UBE2Z: variants seen among roughly 807,000 people sequenced by gnomAD.
UBE2Z encodes the protein ubiquitin-conjugating enzyme E2 Z.
A neutral mutation model predicts 32.6 loss-of-function variants in UBE2Z; 10 were observed. That is an observed-to-expected ratio of 0.31 (90% CI 0.19 to 0.52). UBE2Z has a LOEUF of 0.52. Ranked by LOEUF, UBE2Z falls within the 20% of genes least tolerant of loss-of-function variation. The pLI, the probability that UBE2Z is intolerant of heterozygous loss-of-function variation, is 0.97. For synonymous variants in UBE2Z, 183 were observed against 190.8 expected, an observed-to-expected ratio of 0.96 and a Z score of 0.34; for missense variants, 343 against 480.9, an observed-to-expected ratio of 0.71 and a Z score of 2.68.
chr17:48,925,446 G>GT (rs1401209214), intron 6 of UBE2Z, among the ~76,000 whole-genome samples: 1 of 152,156 alleles, frequency 6.6e-6, no homozygotes, highest in Non-Finnish European at 1.5e-5. Flanking sequence ...ATAAATGGTA[G>GT]TTTTCCCTTC....
intron 2 of UBE2Z, chr17:48,912,526 A>G (rs1281081550): frequency 1.6e-5 from 5 of 310,112 alleles, no homozygotes; most frequent in Non-Finnish European, 1.8e-5. Context: ...AAAAAAAAAA[A>G]TGCTTTAAGA....
At chr17:48,912,379 CAT>C (rs966360329) in intron 2 of UBE2Z, 2 of 157,712 alleles carry the variant, frequency 1.3e-5, no homozygotes, top group African/African-American at 4.8e-5. Flanking sequence ...CAAATCCAAA[CAT>C]ATATTCAGTC....
chr17:48,922,808 C>T (rs2040769745), intron 5 of UBE2Z, 39 bp from the exon 6 acceptor site: 12 of 1,566,354 alleles, frequency 7.7e-6, no homozygotes, highest in Non-Finnish European at 9.6e-6. Flanking sequence ...GACCTGTACC[C>T]CTGGGTTTCT....
intron 2 of UBE2Z, 83 bp downstream of exon 2, chr17:48,910,963 T>C: frequency 1.8e-6 from 2 of 1,101,670 alleles, no homozygotes; most frequent in Non-Finnish European, 2.8e-6. Context: ...ATTATTCAGC[T>C]CACCTCTCCG....
chr17:48,926,673 G>A (rs1223986039), intron 6 of UBE2Z, among the ~76,000 whole-genome samples: 5 of 152,058 alleles, frequency 3.3e-5, no homozygotes, highest in Non-Finnish European at 1.5e-5. Context: ...TAGAGACAGG[G>A]TTTCACCATG....
At chr17:48,913,399 G>A (rs1310530997) in intron 3 of UBE2Z, among the ~76,000 whole-genome samples, 1 of 152,180 alleles carries the variant, frequency 6.6e-6, no homozygotes, top group African/African-American at 2.4e-5. Context: ...TCTGTCGCCA[G>A]GCTGGAGTGC....
intron 6 of UBE2Z, among the ~76,000 whole-genome samples, chr17:48,925,866 G>C (rs1169089284): frequency 6.6e-6 from 1 of 152,180 alleles, no homozygotes; most frequent in Non-Finnish European, 1.5e-5. Flanking sequence ...TCAGGATGAG[G>C]GTAATGTGTG....
intron 1 of UBE2Z, chr17:48,910,382 T>A (rs1449280622): frequency 1.1e-5 from 2 of 185,242 alleles, no homozygotes; most frequent in Non-Finnish European, 2.3e-5. Flanking sequence ...TAGAATTAGT[T>A]TTTTAGTGGA....
In UBE2Z at chr17:48,914,112, C is replaced by T. The variant is rs574241964; in HGVS notation, c.578+1091C>T. ...GATATGAAATGAGTTTCTAGTGCAT[C>T]TTCTTTCTGGATGCTTCTGAGGTTT... is the stretch of plus-strand genomic sequence containing the variant. On this transcript the variant is annotated intron_variant, in intron 3 of 6. Coordinates refer to ENST00000360943, the MANE Select transcript of UBE2Z (RefSeq NM_023079.5). Among the ~76,000 whole-genome samples the T allele has an allele frequency of 3.3e-5, 5 of 152,274 alleles. No individual in the cohort carries two copies. In the East Asian group the frequency reaches 7.7e-4, roughly 24 times the overall value.
chr17:48,911,814 A>G (rs1163578404), intron 2 of UBE2Z: 1 of 152,226 alleles, frequency 6.6e-6, no homozygotes, highest in East Asian at 1.9e-4. Flanking sequence ...TGAGAGCCAG[A>G]ATATGACGTA....
intron 1 of UBE2Z, among the ~76,000 whole-genome samples, chr17:48,909,747 A>G (rs936918284): frequency 6.6e-6 from 1 of 152,142 alleles, no homozygotes; most frequent in Non-Finnish European, 1.5e-5. Flanking sequence ...CTCTTTAGCT[A>G]TTAATCCTGA....
intron 6 of UBE2Z, among the ~76,000 whole-genome samples, chr17:48,923,513 T>C (rs550803794): frequency 6.6e-6 from 1 of 151,464 alleles, no homozygotes; most frequent in African/African-American, 2.4e-5. Context: ...GTGCCTATAA[T>C]CCCGGCTACT....
chr17:48,912,741 C>G, intron 2 of UBE2Z, 93 bp from the exon 3 acceptor site: 1 of 1,370,362 alleles, frequency 7.3e-7, no homozygotes. Context: ...ATTATGGACT[C>G]TGCTTCTGGT....
At position 48,928,436 on chromosome 17, in the gene UBE2Z, A is replaced by C. The variant is rs2040812029; in HGVS notation, c.*1302A>C. ...ATGTTCTCCCCGTACTTCCAGATTT[A>C]TTGTTATGGCTCCCAGTGGGTATTG... On this transcript the variant is annotated 3_prime_UTR_variant, in exon 7 of 7. Coordinates refer to ENST00000360943, the MANE Select transcript of UBE2Z (RefSeq NM_023079.5). The C allele has an allele frequency of 6.6e-6, 1 of 152,468 alleles. No individual in the cohort carries two copies. 9.4% of individuals were successfully genotyped at this position (152,468 alleles called of 1,614,324 possible).
intron 3 of UBE2Z, among the ~76,000 whole-genome samples, chr17:48,913,884 TTTTG>T (rs2040700062): frequency 6.6e-6 from 1 of 151,578 alleles, no homozygotes; most frequent in Non-Finnish European, 1.5e-5. Context: ...TTTTGTTTTG[TTTTG>T]TTTGTTTTTG....
chr17:48,914,400 G>C (rs986810642), intron 3 of UBE2Z, among the ~76,000 whole-genome samples: 1 of 152,208 alleles, frequency 6.6e-6, no homozygotes, highest in Non-Finnish European at 1.5e-5. Context: ...GACTTGCTCA[G>C]ACCCAGGGAT....
At chr17:48,915,952 C>T (rs564354575) in intron 3 of UBE2Z, 124 bp from the exon 4 acceptor site, 3 of 520,028 alleles carry the variant, frequency 5.8e-6, no homozygotes, top group Admixed American at 4.6e-5. Flanking sequence ...TGGGAAATTC[C>T]AGAGTATTAA....
chr17:48,916,262 T>TTTTTTTTTG (rs1555580110), intron 4 of UBE2Z, 75 bp downstream of exon 4: 16 of 687,232 alleles, frequency 2.3e-5, no homozygotes, highest in South Asian at 1.9e-4. Context: ...TTTTTTGTTT[T>TTTTTTTTTG]TTTTTTTTTT....
intron 1 of UBE2Z, among the ~76,000 whole-genome samples, chr17:48,909,663 GAT>G (rs1409318032): frequency 6.6e-6 from 1 of 151,264 alleles, no homozygotes; most frequent in Non-Finnish European, 1.5e-5. Flanking sequence ...ACTGATCTTA[GAT>G]CCTATCATTT....
Sources: allele counts gnomAD v4.1 joint callset (sites outside exome capture counted in the v4.1 genomes callset), GRCh38; gene constraint gnomAD v4.1.1; transcripts MANE v1.5; gene names NCBI Gene and HGNC (gene_info 2026-07-23, HGNC 2026-07-21).